PTPRG: variants seen among roughly 807,000 people sequenced by gnomAD.
PTPRG encodes protein tyrosine phosphatase receptor type G.
A neutral mutation model predicts 165.3 loss-of-function variants in PTPRG; 102 were observed. The ratio of observed to expected loss-of-function variants is 0.62; its 90% CI spans 0.53 to 0.73. PTPRG has a LOEUF of 0.73. Ranked by LOEUF, PTPRG falls within the 30% of genes least tolerant of loss-of-function variation. The pLI, the probability that PTPRG is intolerant of heterozygous loss-of-function variation, is 0.00. For missense variants in PTPRG, 1,866 were observed against 1,861.4 expected (o/e 1.00, Z -0.05); for synonymous variants, 675 against 669.5 (o/e 1.01, Z -0.13).
intron 4 of PTPRG, among the ~76,000 whole-genome samples, chr3:62,019,057 A>G (rs2041619431): frequency 6.6e-6 from 1 of 152,166 alleles, no homozygotes; most frequent in African/African-American, 2.4e-5. Flanking sequence ...TACTGAAGAA[A>G]CTGGTTACAG....
At chr3:61,774,166 A>G (rs1468522051) in intron 2 of PTPRG, among the ~76,000 whole-genome samples, 1 of 152,202 alleles carries the variant, frequency 6.6e-6, no homozygotes, top group Non-Finnish European at 1.5e-5. Flanking sequence ...AAAGCATGAC[A>G]TTGAAGAAAG....
chr3:61,957,528 C>G (rs771565277), intron 2 of PTPRG, among the ~76,000 whole-genome samples: 1 of 152,210 alleles, frequency 6.6e-6, no homozygotes, highest in African/African-American at 2.4e-5. Context: ...CATGTAATCA[C>G]TAAACACAAG....
intron 5 of PTPRG, among the ~76,000 whole-genome samples, chr3:62,107,604 T>A (rs2136065): frequency 0.71 from 108,009 of 152,132 alleles, 38,799 homozygotes; most frequent in Middle Eastern, 0.79. Context: ...GTACGTACTA[T>A]AGTGAAAGTT....
At chr3:62,108,202 C>A (rs1311177970) in intron 5 of PTPRG, among the ~76,000 whole-genome samples, 1 of 152,022 alleles carries the variant, frequency 6.6e-6, no homozygotes, top group African/African-American at 2.4e-5. Context: ...CCCAGCCCCC[C>A]ACCCCGCAAC....
chr3:62,009,374 A>G (rs77871415), intron 4 of PTPRG, among the ~76,000 whole-genome samples: 1,916 of 152,232 alleles, frequency 0.013, 52 homozygotes, highest in East Asian at 0.091. Flanking sequence ...TCCAGCCAGA[A>G]GTTTCTAGTT....
chr3:62,124,834 A>G (rs911473482), intron 5 of PTPRG, among the ~76,000 whole-genome samples: 5 of 152,238 alleles, frequency 3.3e-5, no homozygotes, highest in African/African-American at 1.2e-4. Flanking sequence ...CTGGGATTAC[A>G]GGCATGAGCC....
chr3:62,142,503 A>G (rs1446429410), intron 6 of PTPRG, among the ~76,000 whole-genome samples: 2 of 152,158 alleles, frequency 1.3e-5, no homozygotes, highest in Non-Finnish European at 2.9e-5. Flanking sequence ...GTTATATTTC[A>G]CAATCAAAGA....
At chr3:62,292,653 C>T (rs1702941019) in intron 29 of PTPRG, 97 bp downstream of exon 29, 1 of 1,416,900 alleles carries the variant, frequency 7.1e-7, no homozygotes, top group African/African-American at 1.4e-5. Context: ...TGATTTTGCC[C>T]CCCAGGGGAC....
At chr3:62,183,358 G>A (rs1477101869) in intron 8 of PTPRG, among the ~76,000 whole-genome samples, 1 of 152,190 alleles carries the variant, frequency 6.6e-6, no homozygotes, top group African/African-American at 2.4e-5. Context: ...GAGGTCAGGA[G>A]TTCGAGACCA....
intron 1 of PTPRG, among the ~76,000 whole-genome samples, chr3:61,728,888 AAAAAGAAAG>A (rs1281051009): frequency 1.3e-5 from 2 of 151,172 alleles, no homozygotes; most frequent in African/African-American, 4.9e-5. Flanking sequence ...AAAAAAAAAA[AAAAAGAAAG>A]AAAGAAAGAA....
At position 62,038,363 on chromosome 3, in the gene PTPRG, C is replaced by T. The variant is rs150680463; in HGVS notation, c.519+34866C>T. Among the ~76,000 whole-genome samples the T allele has an allele frequency of 7.2e-5, 11 of 152,242 alleles. No homozygotes were observed. In the East Asian group the frequency reaches 2.1e-3, roughly 29 times the overall value. The stretch of plus-strand genomic sequence containing the variant: ...GAGCATTCGATTAAGCATATCATTG[C>T]TTATCTAATGAATAGTTATGCTTTT... On this transcript the variant is annotated intron_variant, in intron 4 of 29. Coordinates refer to ENST00000474889, the MANE Select transcript of PTPRG (RefSeq NM_002841.4).
chr3:61,880,322 C>T (rs549656980), intron 2 of PTPRG, among the ~76,000 whole-genome samples: 9 of 152,286 alleles, frequency 5.9e-5, no homozygotes, highest in South Asian at 4.1e-4. Flanking sequence ...CATTTAGCAA[C>T]GGACCGGCCG....
intron 1 of PTPRG, among the ~76,000 whole-genome samples, chr3:61,711,325 T>C (rs1023504975): frequency 9.2e-5 from 14 of 152,236 alleles, no homozygotes; most frequent in Non-Finnish European, 1.5e-4. Context: ...TTTCTGGTTC[T>C]AGATCCTTGA....
At chr3:62,193,324 A>C (rs1156844888) in intron 9 of PTPRG, among the ~76,000 whole-genome samples, 1 of 152,246 alleles carries the variant, frequency 6.6e-6, no homozygotes, top group Non-Finnish European at 1.5e-5. Flanking sequence ...AGATGGGGTC[A>C]GAGGTTTAGA....
In PTPRG at chr3:62,219,986, T is replaced by G. The variant is rs754592193; in HGVS notation, c.2288+1003T>G. Among the ~76,000 whole-genome samples the G allele has an allele frequency of 6.6e-6, 1 of 152,206 alleles. No individual in the cohort carries two copies. The highest frequency in any genetic ancestry group is 1.5e-5 in the Non-Finnish European group (1 of 68,024). The stretch of plus-strand genomic sequence containing the variant: ...GCCCATGGGGGCCTAGCAGGAGTGT[T>G]CAGAGTGGTCAAGGAGATGATACCT... On this transcript the variant is annotated intron_variant, in intron 13 of 29. Coordinates refer to ENST00000474889, the MANE Select transcript of PTPRG (RefSeq NM_002841.4). The surrounding 1 kb of genome is among the most constrained non-coding windows in gnomAD (Gnocchi z 4.5).
chr3:61,734,852 T>G (rs1465326172), intron 1 of PTPRG, among the ~76,000 whole-genome samples: 1 of 152,210 alleles, frequency 6.6e-6, no homozygotes. Context: ...TGTATATAAA[T>G]AGATATTGAG....
At chr3:62,027,365 C>A (rs951080993) in intron 4 of PTPRG, among the ~76,000 whole-genome samples, 2 of 152,018 alleles carry the variant, frequency 1.3e-5, no homozygotes, top group Admixed American at 1.3e-4. Flanking sequence ...TATTCTGATC[C>A]TGGTCATAGA....
At chr3:61,832,395 G>C (rs913899687) in intron 2 of PTPRG, among the ~76,000 whole-genome samples, 7 of 152,186 alleles carry the variant, frequency 4.6e-5, no homozygotes, top group African/African-American at 7.2e-5. Flanking sequence ...GATAGGTACT[G>C]TGATCATCTT....
chr3:62,255,211 T>C lies in PTPRG; in HGVS notation c.2555T>C (p.Phe852Ser), dbSNP rs775053702. 13 of 1,610,278 alleles carry C rather than the reference T, an allele frequency of 8.1e-6. No individual in the cohort carries two copies. Among genetic ancestry groups the C allele is most frequent in the South Asian group, 1.1e-5 (1 of 90,606 alleles). ...AACCAGCATGGGTTCTCTGAGGATT[T>C]TGAGGTATGTTTCAAGGCTGGAAGT... The part of the protein sequence containing the change: ...SNNQHGFSED[F>S]EEVQRCTADM... The change falls in exon 16 of 30, where the codon TTT (phenylalanine) becomes TCT (serine). Residue 852 changes from phenylalanine (F) to serine (S), a missense_variant. Phe to Ser is a radical substitution (Grantham distance 155). Transcript: ENST00000474889. This position sits in a 1 kb window ranked among gnomAD's most constrained non-coding sequence, Gnocchi z 4.0.
Sources: allele counts gnomAD v4.1 joint callset (sites outside exome capture counted in the v4.1 genomes callset), GRCh38; gene constraint gnomAD v4.1.1; non-coding constraint Gnocchi (gnomAD v3.1); transcripts MANE v1.5; gene names NCBI Gene and HGNC (gene_info 2026-07-23, HGNC 2026-07-21).